CMIP: variants seen among roughly 807,000 people sequenced by gnomAD.
The protein encoded by CMIP is C-Maf-inducing protein.
In CMIP, 13 loss-of-function variants were observed where a neutral mutation model predicts 97.3. The observed-to-expected ratio is 0.13, with a 90% confidence interval of 0.09 to 0.21. The LOEUF (loss-of-function observed/expected upper bound fraction) is 0.21. Among genes scored for constraint, CMIP ranks in the 10% least tolerant of loss-of-function variants. The pLI, the probability that CMIP is intolerant of heterozygous loss-of-function variation, is 1.00. For synonymous variants in CMIP, 538 were observed against 436.3 expected (o/e 1.23, Z -2.91); for missense variants, 847 against 1,024.9 (o/e 0.83, Z 2.37).
At chr16:81,514,949 C>T (rs914628518) in intron 1 of CMIP, among the ~76,000 whole-genome samples, 12 of 152,198 alleles carry the variant, frequency 7.9e-5, no homozygotes, top group African/African-American at 2.4e-4. Context: ...ACAGAAAATG[C>T]GATGAACACT....
chr16:81,675,370 A>ATTTTTTT (rs35314200), intron 9 of CMIP, among the ~76,000 whole-genome samples: 1 of 123,378 alleles, frequency 8.1e-6, no homozygotes, highest in Non-Finnish European at 1.7e-5. Flanking sequence ...CACCTGGCTA[A>ATTTTTTT]TTTTTTTTTT....
chr16:81,474,299 T>G (rs1253365884), intron 1 of CMIP, among the ~76,000 whole-genome samples: 1 of 152,016 alleles, frequency 6.6e-6, no homozygotes, highest in African/African-American at 2.4e-5. Flanking sequence ...CCTCCCTCCC[T>G]CTCTCCCTAC....
intron 14 of CMIP, among the ~76,000 whole-genome samples, chr16:81,698,999 C>T (rs1482938421): frequency 4.6e-5 from 7 of 152,334 alleles, no homozygotes; most frequent in Middle Eastern, 3.4e-3. Context: ...CGCCTGTAAT[C>T]CCAGCACTGT....
chr16:81,695,176 C>T (rs4423412), intron 13 of CMIP, among the ~76,000 whole-genome samples: 52 of 152,238 alleles, frequency 3.4e-4, no homozygotes, highest in Admixed American at 5.2e-4. Flanking sequence ...CAAGGTCCCA[C>T]ACCCAGGCCC....
chr16:81,499,869 C>G (rs1001193649), intron 1 of CMIP, among the ~76,000 whole-genome samples: 56 of 152,376 alleles, frequency 3.7e-4, no homozygotes, highest in African/African-American at 1.3e-3. Flanking sequence ...CTTGTCAGCC[C>G]GGGCGAGACT....
In CMIP at chr16:81,657,617, A is replaced by G. The variant is rs546426699; in HGVS notation, c.640-158A>G. Among the ~76,000 whole-genome samples the G allele has an allele frequency of 1.2e-4, 18 of 152,222 alleles. No homozygotes were observed. The South Asian group carries it at 3.5e-3, about 30-fold the overall frequency. ...CTCCCCCTTCCCGACCTTGCCCCTG[A>G]GGGTGTTCTGATCTGTTTAATTAAG... On this transcript the variant is annotated intron_variant, in intron 4 of 20. Coordinates refer to ENST00000537098, the MANE Select transcript of CMIP (RefSeq NM_198390.3).
chr16:81,678,077 C>A (rs1242343666), intron 9 of CMIP, among the ~76,000 whole-genome samples, 198 bp from the exon 10 acceptor site: 1 of 152,186 alleles, frequency 6.6e-6, no homozygotes, highest in Non-Finnish European at 1.5e-5. Context: ...GGCTGCCATC[C>A]CCACCTCTTC....
intron 3 of CMIP, among the ~76,000 whole-genome samples, chr16:81,649,667 G>A (rs973555872): frequency 6.6e-6 from 1 of 152,098 alleles, no homozygotes. Context: ...ATCATCTTTC[G>A]CAAAAGAATG....
At chr16:81,451,548 T>C (rs923462247) in intron 1 of CMIP, among the ~76,000 whole-genome samples, 1 of 152,260 alleles carries the variant, frequency 6.6e-6, no homozygotes, top group African/African-American at 2.4e-5. Flanking sequence ...TGCTTAATTC[T>C]TTGGGATGGG....
intron 1 of CMIP, among the ~76,000 whole-genome samples, chr16:81,594,770 C>T (rs1363993459): frequency 5.3e-5 from 8 of 150,094 alleles, no homozygotes; most frequent in South Asian, 4.2e-4. Context: ...CCTGTCACCA[C>T]GCCCAGCTAA....
chr16:81,544,452 A>G (rs1385531236), intron 1 of CMIP, among the ~76,000 whole-genome samples: 1 of 150,566 alleles, frequency 6.6e-6, no homozygotes, highest in African/African-American at 2.4e-5. Flanking sequence ...GTGCGCGCAC[A>G]CAGGAAACCT....
chr16:81,485,535 C>T (rs967541036), intron 1 of CMIP, among the ~76,000 whole-genome samples: 1 of 152,208 alleles, frequency 6.6e-6, no homozygotes, highest in Non-Finnish European at 1.5e-5. Context: ...GGAGAATTCC[C>T]ATTCGGAAGA....
At position 81,670,383 on chromosome 16, in the gene CMIP, C is replaced by T. The variant is rs141887547; in HGVS notation, c.929+138C>T. The T allele has an allele frequency of 1.1e-3, 959 of 879,762 alleles. 7 individuals are homozygous for T. The African/African-American group carries it at 0.013, about 12-fold the overall frequency. 54.5% of individuals were successfully genotyped at this position (879,762 alleles called of 1,614,324 possible). A position where few individuals can be genotyped will look rare whatever the true frequency, so the allele number is the denominator to read the frequency against. ...ATGAGGAAGCCCCTAGCCTACTGCA[C>T]GGTGCCCGATAGGAACTCGGACACA... On this transcript the variant is annotated intron_variant, in intron 8 of 20. Coordinates refer to ENST00000537098, the MANE Select transcript of CMIP (RefSeq NM_198390.3).
At chr16:81,450,175 C>T (rs1197360150) in intron 1 of CMIP, among the ~76,000 whole-genome samples, 1 of 152,176 alleles carries the variant, frequency 6.6e-6, no homozygotes, top group South Asian at 2.1e-4. Context: ...TCAACTGCTG[C>T]CAGCCAGGAC....
intron 3 of CMIP, among the ~76,000 whole-genome samples, chr16:81,639,312 G>T (rs919433640): frequency 6.6e-6 from 1 of 152,236 alleles, no homozygotes; most frequent in Admixed American, 6.5e-5. Context: ...CCAGGTTTAG[G>T]TGGCAGTTCA....
intron 10 of CMIP, among the ~76,000 whole-genome samples, chr16:81,683,249 C>T (rs1905053641): frequency 6.6e-6 from 1 of 152,176 alleles, no homozygotes; most frequent in Non-Finnish European, 1.5e-5. Context: ...CCCACTGGGG[C>T]CACAGGGGTA....
intron 1 of CMIP, among the ~76,000 whole-genome samples, chr16:81,565,316 C>T (rs1291345623): frequency 2.0e-5 from 3 of 152,178 alleles, no homozygotes; most frequent in Non-Finnish European, 4.4e-5. Flanking sequence ...AGAGGAGCCT[C>T]TCTCCCTGTT....
chr16:81,485,165 C>T (rs1175895966), intron 1 of CMIP, among the ~76,000 whole-genome samples: 2 of 152,114 alleles, frequency 1.3e-5, no homozygotes, highest in African/African-American at 4.8e-5. Flanking sequence ...TATTCTATTG[C>T]GTATGTATAC....
chr16:81,586,907 G>C (rs773953483), intron 1 of CMIP, among the ~76,000 whole-genome samples: 13 of 152,204 alleles, frequency 8.5e-5, no homozygotes, highest in Non-Finnish European at 1.9e-4. Context: ...GAAGAAAGTA[G>C]AGAACTCAAA....
Sources: allele counts gnomAD v4.1 joint callset (sites outside exome capture counted in the v4.1 genomes callset), GRCh38; gene constraint gnomAD v4.1.1; transcripts MANE v1.5; gene names NCBI Gene and HGNC (gene_info 2026-07-23, HGNC 2026-07-21).